ARHGAP26: variants seen among roughly 807,000 people sequenced by gnomAD.
The protein encoded by ARHGAP26 is rho GTPase-activating protein 26.
A neutral mutation model predicts 104.8 loss-of-function variants in ARHGAP26; 38 were observed. The ratio of observed to expected loss-of-function variants is 0.36; its 90% CI spans 0.28 to 0.48. The LOEUF is 0.48. Ranked by LOEUF, ARHGAP26 falls within the 20% of genes least tolerant of loss-of-function variation. The probability of loss-of-function intolerance (pLI) is 0.99; values close to 1 mark genes in which losing one functional copy is unlikely to be tolerated. For synonymous variants in ARHGAP26, 341 were observed against 340.0 expected, an observed-to-expected ratio of 1.00 and a Z score of -0.03; for missense variants, 704 against 947.9, an observed-to-expected ratio of 0.74 and a Z score of 3.38.
chr5:142,833,388 T>C (rs1302145622), intron 1 of ARHGAP26, among the ~76,000 whole-genome samples: 1 of 152,166 alleles, frequency 6.6e-6, no homozygotes, highest in Admixed American at 6.5e-5. Context: ...AAAAATATTT[T>C]TTAAAAAACA....
At chr5:142,997,954 G>C (rs1776645568) in intron 11 of ARHGAP26, among the ~76,000 whole-genome samples, 1 of 152,140 alleles carries the variant, frequency 6.6e-6, no homozygotes, top group African/African-American at 2.4e-5. Context: ...TTCAGCAGCA[G>C]AAATTGAATA....
intron 1 of ARHGAP26, among the ~76,000 whole-genome samples, chr5:142,849,942 T>C (rs887111015): frequency 1.3e-5 from 2 of 152,206 alleles, no homozygotes; most frequent in Non-Finnish European, 2.9e-5. Flanking sequence ...GGTGTTCTTC[T>C]GCACACACTC....
At chr5:142,946,194 G>T (rs1767072262) in intron 11 of ARHGAP26, among the ~76,000 whole-genome samples, 1 of 152,066 alleles carries the variant, frequency 6.6e-6, no homozygotes, top group South Asian at 2.1e-4. Flanking sequence ...AGATTTCCTT[G>T]TAATACATCT....
intron 11 of ARHGAP26, among the ~76,000 whole-genome samples, chr5:143,005,278 T>C (rs1777781951): frequency 6.6e-6 from 1 of 152,264 alleles, no homozygotes; most frequent in Non-Finnish European, 1.5e-5. Flanking sequence ...TTTGACCTTT[T>C]CTGCTCAAGG....
chr5:142,818,326 C>T (rs1213222254), intron 1 of ARHGAP26, among the ~76,000 whole-genome samples: 1 of 152,212 alleles, frequency 6.6e-6, no homozygotes, highest in African/African-American at 2.4e-5. Context: ...TCAGGTGGCA[C>T]AGCCTCTCCC....
chr5:143,097,096 TG>T, intron 17 of ARHGAP26, among the ~76,000 whole-genome samples: 2 of 152,240 alleles, frequency 1.3e-5, no homozygotes, highest in South Asian at 4.1e-4. Flanking sequence ...CACAGCTCTT[TG>T]GGAGACCAAT....
At chr5:142,949,254 A>T (rs1338531717) in intron 11 of ARHGAP26, among the ~76,000 whole-genome samples, 4 of 136,694 alleles carry the variant, frequency 2.9e-5, no homozygotes, top group East Asian at 2.3e-4. Flanking sequence ...AGAGAGAGAG[A>T]GAGTTGAGAA....
chr5:142,772,583 C>T (rs749435707), intron 1 of ARHGAP26: 1 of 376,234 alleles, frequency 2.7e-6, no homozygotes. Flanking sequence ...TCATTCCAGG[C>T]ACTGCTTCAC....
At chr5:142,867,289 GT>G (rs1410846277) in intron 1 of ARHGAP26, among the ~76,000 whole-genome samples, 13 of 43,406 alleles carry the variant, frequency 3.0e-4, no homozygotes, top group East Asian at 6.6e-3. Flanking sequence ...TTTGCACAGG[GT>G]GTGTGTGTGT....
intron 12 of ARHGAP26, among the ~76,000 whole-genome samples, chr5:143,017,529 T>G (rs1779750343): frequency 6.6e-6 from 1 of 152,244 alleles, no homozygotes; most frequent in African/African-American, 2.4e-5. Flanking sequence ...TCGTTTCATT[T>G]TATTTATTCA....
rs192392476 is a variant in ARHGAP26, at chr5:142,987,049, G to A, written c.1108-27031G>A. Among the ~76,000 whole-genome samples, 4 of 152,270 alleles carry A rather than the reference G, an allele frequency of 2.6e-5. No homozygotes were observed. The East Asian group carries it at 5.8e-4, about 22-fold the overall frequency. The stretch of plus-strand genomic sequence containing the variant: ...TTCCAATTCTGTGAAGAAAGTCATT[G>A]GTGGGGATGGCATTGAATCTGTAAA... On this transcript the variant is annotated intron_variant, in intron 11 of 22. Coordinates refer to ENST00000645722, the MANE Select transcript of ARHGAP26 (RefSeq NM_001135608.3).
intron 17 of ARHGAP26, among the ~76,000 whole-genome samples, chr5:143,105,717 G>A (rs996038578): frequency 9.9e-5 from 15 of 152,204 alleles, no homozygotes; most frequent in Admixed American, 9.8e-4. Flanking sequence ...TGCCACGTGT[G>A]CATTCTGCTG....
chr5:143,006,315 TC>T lies in ARHGAP26; in HGVS notation c.1108-7764del, dbSNP rs1777946983. On this transcript the variant is annotated intron_variant, in intron 11 of 22. Transcript: ENST00000645722. ...CACCAACTCCACCTTTAGTGTTTTT[TC>T]TTTTTTTTTTTTTTTTTTTTTTAAT... 3.7e-5 allele frequency among the ~76,000 whole-genome samples: 4 copies of T among 107,680 alleles called. No individual in the cohort carries two copies. The South Asian group carries it at 9.7e-4, about 26-fold the overall frequency. The allele number at this position is 107,680 out of a possible 152,430, so 70.6% of individuals were successfully genotyped here. A position where few individuals can be genotyped will look rare whatever the true frequency, so the allele number is the denominator to read the frequency against.
chr5:142,886,448 GT>G (rs1185501560), intron 5 of ARHGAP26, among the ~76,000 whole-genome samples: 1 of 152,186 alleles, frequency 6.6e-6, no homozygotes, highest in Non-Finnish European at 1.5e-5. Context: ...ATTTAATCCA[GT>G]TTTTAGAGTA....
chr5:142,802,492 G>A (rs544497407), intron 1 of ARHGAP26, among the ~76,000 whole-genome samples: 1 of 152,210 alleles, frequency 6.6e-6, no homozygotes, highest in East Asian at 1.9e-4. Flanking sequence ...TTTGTTCAAC[G>A]TAGTTTTTAT....
intron 17 of ARHGAP26, among the ~76,000 whole-genome samples, chr5:143,068,281 G>A (rs1787793731): frequency 6.6e-6 from 1 of 152,242 alleles, no homozygotes; most frequent in South Asian, 2.1e-4. Context: ...AAGGGCGCTT[G>A]TGGTACCTGG....
At chr5:143,172,369 G>A (rs1802894863) in intron 20 of ARHGAP26, among the ~76,000 whole-genome samples, 1 of 152,068 alleles carries the variant, frequency 6.6e-6, no homozygotes. Context: ...GGCTGAGAGA[G>A]GAAGAGAGTA....
chr5:143,211,728 G>A (rs1245196193), intron 21 of ARHGAP26, among the ~76,000 whole-genome samples: 1 of 151,468 alleles, frequency 6.6e-6, no homozygotes, highest in Non-Finnish European at 1.5e-5. Flanking sequence ...CATCATGCCT[G>A]GCTAATTTTT....
chr5:143,187,518 C>T (rs989802176), intron 20 of ARHGAP26, among the ~76,000 whole-genome samples: 2 of 152,188 alleles, frequency 1.3e-5, no homozygotes, highest in East Asian at 1.9e-4. Flanking sequence ...TTGTGTCTGC[C>T]GGGCTTGTGG....
Sources: allele counts gnomAD v4.1 joint callset (sites outside exome capture counted in the v4.1 genomes callset), GRCh38; gene constraint gnomAD v4.1.1; transcripts MANE v1.5; gene names NCBI Gene and HGNC (gene_info 2026-07-23, HGNC 2026-07-21).